Variants in CA10 observed in about 807,000 individuals in gnomAD.
The protein encoded by CA10 is carbonic anhydrase 10 (inactive).
CA10 carries 14 observed loss-of-function variants against 44.2 expected under a neutral mutation model. The observed-to-expected ratio is 0.32, with a 90% CI of 0.21 to 0.50. The LOEUF is 0.50. CA10 is among the 20% of genes least tolerant of loss of function. The pLI, the probability that CA10 is intolerant of heterozygous loss-of-function variation, is 0.99. For synonymous variants in CA10, 159 were observed against 141.6 expected (o/e 1.12, Z -0.87); for missense variants, 350 against 409.7 (o/e 0.85, Z 1.26).
chr17:51,754,959 T>C (rs371762460), intron 3 of CA10, among the ~76,000 whole-genome samples: 2 of 151,880 alleles, frequency 1.3e-5, no homozygotes, highest in East Asian at 1.9e-4. Flanking sequence ...TCTATATCTG[T>C]ATATATTATA....
At chr17:51,930,862 T>C in intron 3 of CA10, 128 bp downstream of exon 3, 1 of 1,061,584 alleles carries the variant, frequency 9.4e-7, no homozygotes, top group East Asian at 2.4e-5. Context: ...TGGCGGCAGG[T>C]CTGAAGTCTG....
chr17:51,910,456 C>T (rs1382210566), intron 3 of CA10, among the ~76,000 whole-genome samples: 1 of 152,012 alleles, frequency 6.6e-6, no homozygotes, highest in Non-Finnish European at 1.5e-5. Context: ...GTTGTTATGG[C>T]TTACAGGATA....
intron 3 of CA10, among the ~76,000 whole-genome samples, chr17:51,847,338 T>C (rs981216084): frequency 6.6e-6 from 1 of 152,228 alleles, no homozygotes; most frequent in Non-Finnish European, 1.5e-5. Context: ...TCTGCTTTTC[T>C]GTTAAAGTTT....
chr17:51,792,519 A>T (rs745567907), intron 3 of CA10, among the ~76,000 whole-genome samples: 1 of 152,244 alleles, frequency 6.6e-6, no homozygotes, highest in Non-Finnish European at 1.5e-5. Flanking sequence ...GACAAAATTA[A>T]TGAATTAAGC....
At chr17:51,927,038 T>C (rs968554928) in intron 3 of CA10, among the ~76,000 whole-genome samples, 11 of 152,190 alleles carry the variant, frequency 7.2e-5, no homozygotes, top group African/African-American at 2.4e-4. Flanking sequence ...TAAAACAGTA[T>C]TATCCTTCAT....
At chr17:52,014,937 C>A (rs376507882) in intron 2 of CA10, among the ~76,000 whole-genome samples, 2 of 151,966 alleles carry the variant, frequency 1.3e-5, no homozygotes, top group South Asian at 4.1e-4. Flanking sequence ...AATTGTGGTA[C>A]ATTTATACAA....
intron 3 of CA10, among the ~76,000 whole-genome samples, chr17:51,877,041 T>C (rs1470506721): frequency 1.3e-5 from 2 of 152,236 alleles, no homozygotes; most frequent in Non-Finnish European, 2.9e-5. Context: ...CATTTCCTGC[T>C]CCTTTTAGGT....
At chr17:52,110,636 C>G (rs1988769453) in intron 1 of CA10, among the ~76,000 whole-genome samples, 1 of 152,192 alleles carries the variant, frequency 6.6e-6, no homozygotes, top group African/African-American at 2.4e-5. Context: ...GGGGGAGGAG[C>G]TAAGCTGAAC....
chr17:51,773,698 T>C (rs1683640421), intron 3 of CA10, among the ~76,000 whole-genome samples: 1 of 152,276 alleles, frequency 6.6e-6, no homozygotes, highest in African/African-American at 2.4e-5. Context: ...AGCACAGTGC[T>C]GGATGCATAA....
At chr17:51,723,856 T>C (rs992352880) in intron 4 of CA10, among the ~76,000 whole-genome samples, 1 of 152,184 alleles carries the variant, frequency 6.6e-6, no homozygotes, top group African/African-American at 2.4e-5. Context: ...TTAAAAGCCT[T>C]GCACTCATTA....
chr17:52,143,889 T>A (rs1267115789), intron 1 of CA10, among the ~76,000 whole-genome samples: 4 of 152,176 alleles, frequency 2.6e-5, no homozygotes, highest in Non-Finnish European at 5.9e-5. Context: ...CAGGTCACAG[T>A]TTGCTTGTCT....
At chr17:51,860,250 C>T (rs1221180050) in intron 3 of CA10, among the ~76,000 whole-genome samples, 9 of 152,164 alleles carry the variant, frequency 5.9e-5, no homozygotes, top group Non-Finnish European at 7.3e-5. Flanking sequence ...GTGCTGACCC[C>T]ATGAAATTAG....
At chr17:51,926,844 G>GATT (rs1567888127) in intron 3 of CA10, among the ~76,000 whole-genome samples, 2 of 152,154 alleles carry the variant, frequency 1.3e-5, no homozygotes, top group African/African-American at 2.4e-5. Flanking sequence ...GACACATTTA[G>GATT]AAGTCCTGTG....
intron 2 of CA10, among the ~76,000 whole-genome samples, chr17:51,994,807 A>G (rs1354747353): frequency 4.7e-5 from 7 of 150,160 alleles, no homozygotes; most frequent in African/African-American, 1.7e-4. Context: ...AAAGAATTGA[A>G]TGATTTAAAT....
intron 3 of CA10, among the ~76,000 whole-genome samples, chr17:51,846,809 G>A (rs1978515623): frequency 6.6e-6 from 1 of 152,212 alleles, no homozygotes; most frequent in South Asian, 2.1e-4. Flanking sequence ...GGGTAGATAT[G>A]TTTTAGAAAA....
At chr17:51,778,080 G>C (rs771285667) in intron 3 of CA10, among the ~76,000 whole-genome samples, 1 of 152,202 alleles carries the variant, frequency 6.6e-6, no homozygotes, top group Non-Finnish European at 1.5e-5. Flanking sequence ...TGCTCTCCGA[G>C]TCCAAGTACC....
At chr17:51,827,301 T>G (rs1025468498) in intron 3 of CA10, among the ~76,000 whole-genome samples, 1 of 151,952 alleles carries the variant, frequency 6.6e-6, no homozygotes, top group African/African-American at 2.4e-5. Flanking sequence ...TTTGCTTTTG[T>G]GCATACTATG....
intron 3 of CA10, among the ~76,000 whole-genome samples, chr17:51,930,023 T>A (rs1982588682): frequency 6.6e-6 from 1 of 152,140 alleles, no homozygotes; most frequent in African/African-American, 2.4e-5. Flanking sequence ...GACAGTTACA[T>A]GGTACAAGAA....
intron 4 of CA10, among the ~76,000 whole-genome samples, chr17:51,688,345 A>G (rs1305316935): frequency 6.6e-6 from 1 of 152,218 alleles, no homozygotes; most frequent in Non-Finnish European, 1.5e-5. Context: ...ACATTTTGGG[A>G]TAATGAATTA....
Sources: gnomAD v4.1 joint callset for allele counts (sites outside exome capture counted in the v4.1 genomes callset) on GRCh38, gnomAD v4.1.1 for gene constraint, MANE v1.5 for transcripts, NCBI Gene and HGNC (gene_info 2026-07-23, HGNC 2026-07-21) for gene names.